LRRIQ3: variants seen among roughly 807,000 people sequenced by gnomAD.
LRRIQ3 encodes the protein leucine-rich repeat and IQ domain-containing protein 3.
LRRIQ3 carries 75 observed loss-of-function variants against 59.3 expected under a neutral mutation model. The ratio of observed to expected loss-of-function variants is 1.26; its 90% CI spans 1.05 to 1.53. The LOEUF is 1.53. LRRIQ3 is among the 40% of genes most tolerant of loss of function. The pLI is 0.00. For missense variants in LRRIQ3, 831 were observed against 710.0 expected (o/e 1.17, Z -1.94); for synonymous variants, 250 against 231.3 (o/e 1.08, Z -0.73).
intron 3 of LRRIQ3, among the ~76,000 whole-genome samples, chr1:74,168,723 A>C (rs554511512): frequency 6.6e-6 from 1 of 151,936 alleles, no homozygotes; most frequent in African/African-American, 2.4e-5. Context: ...AATTCCATTT[A>C]GATTTATCTA....
intron 3 of LRRIQ3, among the ~76,000 whole-genome samples, chr1:74,159,460 C>T (rs540564826): frequency 6.6e-6 from 1 of 152,234 alleles, no homozygotes; most frequent in South Asian, 2.1e-4. Context: ...CGTGACTTAA[C>T]AATGTCAATC....
intron 1 of LRRIQ3, among the ~76,000 whole-genome samples, chr1:74,190,793 C>A (rs545747607): frequency 3.2e-4 from 49 of 151,882 alleles, no homozygotes; most frequent in African/African-American, 1.2e-3. Flanking sequence ...AAAAATCTTA[C>A]TTATAAAGGA....
intron 3 of LRRIQ3, chr1:74,182,301 C>T: frequency 4.1e-6 from 1 of 241,250 alleles, no homozygotes; most frequent in Non-Finnish European, 7.8e-6. Context: ...ATTTAAAAAA[C>T]AAAAATTTGT....
At chr1:74,118,582 C>A (rs1646809686) in intron 4 of LRRIQ3, among the ~76,000 whole-genome samples, 1 of 152,002 alleles carries the variant, frequency 6.6e-6, no homozygotes. Flanking sequence ...ACCTCCCACA[C>A]ACACATTTTA....
At chr1:74,060,196 T>C (rs1460463766) in intron 6 of LRRIQ3, among the ~76,000 whole-genome samples, 1 of 47,658 alleles carries the variant, frequency 2.1e-5, no homozygotes, top group Non-Finnish European at 5.1e-5. Context: ...TTTTTCTTCT[T>C]CTTCTTCTTC....
chr1:74,049,253 G>A (rs1367179207), intron 6 of LRRIQ3, among the ~76,000 whole-genome samples: 2 of 152,164 alleles, frequency 1.3e-5, no homozygotes, highest in East Asian at 1.9e-4. Context: ...GATTCTATGC[G>A]GCATGGTAGG....
chr1:74,120,542 A>G (rs1004996203), intron 4 of LRRIQ3, among the ~76,000 whole-genome samples: 1 of 151,996 alleles, frequency 6.6e-6, no homozygotes, highest in Non-Finnish European at 1.5e-5. Flanking sequence ...CATATTTTGT[A>G]TCCAGCCACC....
chr1:74,073,665 G>A (rs1646163954), intron 6 of LRRIQ3, among the ~76,000 whole-genome samples: 1 of 151,474 alleles, frequency 6.6e-6, no homozygotes, highest in Non-Finnish European at 1.5e-5. Context: ...ATGGAGAACT[G>A]ATGAAATAAA....
intron 1 of LRRIQ3, 117 bp from the exon 2 acceptor site, chr1:74,183,801 T>A: frequency 1.3e-6 from 1 of 793,064 alleles, no homozygotes; most frequent in Non-Finnish European, 1.8e-6. Flanking sequence ...AAGTTAAAAT[T>A]TAAAAAAACT....
chr1:74,153,329 T>G (rs1648103857), intron 4 of LRRIQ3, among the ~76,000 whole-genome samples: 1 of 152,212 alleles, frequency 6.6e-6, no homozygotes, highest in Admixed American at 6.5e-5. Context: ...ATATTTCAAG[T>G]ACTTAAAGTT....
At chr1:74,052,183 C>T (rs879714090) in intron 6 of LRRIQ3, among the ~76,000 whole-genome samples, 4 of 152,062 alleles carry the variant, frequency 2.6e-5, no homozygotes, top group African/African-American at 7.2e-5. Flanking sequence ...ACCAGGACCG[C>T]GCTGACTACA....
intron 5 of LRRIQ3, among the ~76,000 whole-genome samples, chr1:74,077,134 G>C (rs1328801283): frequency 2.6e-5 from 4 of 151,888 alleles, no homozygotes; most frequent in South Asian, 4.1e-4. Context: ...TGCAATTCCA[G>C]TCTGTAACAA....
rs1193706342 is a variant in LRRIQ3, at chr1:74,182,583, T to A, written c.528A>T (p.Ala176=). 1.2e-6 allele frequency: 2 copies of A among 1,600,184 alleles called. No individual in the cohort carries two copies. Among genetic ancestry groups the A allele is most frequent in the African/African-American group, 2.7e-5 (2 of 74,526 alleles). ...AATTAAAGAAAAGTCGATGGTTACA[T>A]GCTTTGAATCTTTCAGGAAGATGCC... is the stretch of plus-strand genomic sequence containing the variant. The part of the protein sequence containing the change: ...QNWHLPERFK[A]CNHRLFFNFC... The change falls in exon 3 of 8, where the codon GCA becomes GCT. Residue 176 remains alanine, a synonymous_variant. Coordinates refer to ENST00000354431, the MANE Select transcript of LRRIQ3 (RefSeq NM_001105659.2).
intron 1 of LRRIQ3, among the ~76,000 whole-genome samples, chr1:74,195,428 A>G (rs1259668094): frequency 6.6e-6 from 1 of 152,236 alleles, no homozygotes; most frequent in Non-Finnish European, 1.5e-5. Flanking sequence ...ATTTCCACAC[A>G]ACAGTCATAG....
chr1:74,056,319 G>A (rs1403329586), intron 6 of LRRIQ3, among the ~76,000 whole-genome samples: 1 of 151,998 alleles, frequency 6.6e-6, no homozygotes, highest in Non-Finnish European at 1.5e-5. Flanking sequence ...AAAAAGATAA[G>A]GATGCCCACT....
intron 5 of LRRIQ3, among the ~76,000 whole-genome samples, chr1:74,089,290 C>T (rs1646368701): frequency 6.6e-6 from 1 of 152,038 alleles, no homozygotes; most frequent in Non-Finnish European, 1.5e-5. Flanking sequence ...CCATATCATC[C>T]AGTAATTTCA....
At chr1:74,113,631 G>A (rs1472384094) in intron 4 of LRRIQ3, among the ~76,000 whole-genome samples, 26 of 151,962 alleles carry the variant, frequency 1.7e-4, no homozygotes, top group Admixed American at 1.7e-3. Context: ...TCAAAGTTCT[G>A]AGAGAAGAAA....
At chr1:74,146,258 A>T (rs1355159146) in intron 4 of LRRIQ3, among the ~76,000 whole-genome samples, 1 of 152,192 alleles carries the variant, frequency 6.6e-6, no homozygotes, top group Non-Finnish European at 1.5e-5. Flanking sequence ...CAGCAAAAAT[A>T]ATCTATTAGG....
At chr1:74,126,933 A>G (rs1646943774) in intron 4 of LRRIQ3, among the ~76,000 whole-genome samples, 1 of 151,888 alleles carries the variant, frequency 6.6e-6, no homozygotes, top group African/African-American at 2.4e-5. Flanking sequence ...GATCTCTCCA[A>G]TACTGAAAGT....
Sources: allele counts gnomAD v4.1 joint callset (sites outside exome capture counted in the v4.1 genomes callset), GRCh38; gene constraint gnomAD v4.1.1; transcripts MANE v1.5; gene names NCBI Gene and HGNC (gene_info 2026-07-23, HGNC 2026-07-21).